Variants in NTNG1 observed in about 807,000 individuals in gnomAD.
NTNG1 encodes netrin-G1.
In NTNG1, 16 loss-of-function variants were observed where a neutral mutation model predicts 54.0. The ratio of observed to expected loss-of-function variants is 0.30; its 90% CI spans 0.20 to 0.45. The LOEUF (loss-of-function observed/expected upper bound fraction) is 0.45. Ranked by LOEUF, NTNG1 falls within the 20% of genes least tolerant of loss-of-function variation. The pLI is 1.00. For missense variants in NTNG1, 530 were observed against 678.7 expected, an observed-to-expected ratio of 0.78 and a Z score of 2.43; for synonymous variants, 255 against 263.1, an observed-to-expected ratio of 0.97 and a Z score of 0.30.
At chr1:107,342,209 T>C (rs1433746644) in intron 3 of NTNG1, among the ~76,000 whole-genome samples, 1 of 152,052 alleles carries the variant, frequency 6.6e-6, no homozygotes, top group Non-Finnish European at 1.5e-5. Flanking sequence ...CTTTAACCAC[T>C]TAAAAATAAA....
At chr1:107,473,664 A>G (rs1471262631) in intron 7 of NTNG1, among the ~76,000 whole-genome samples, 1 of 152,252 alleles carries the variant, frequency 6.6e-6, no homozygotes, top group African/African-American at 2.4e-5. Flanking sequence ...AGAAAAATAG[A>G]TAGAAGTAAG....
At position 107,458,325 on chromosome 1, in the gene NTNG1, C is replaced by T. The variant is rs928573181; in HGVS notation, c.1390+21526C>T. On this transcript the variant is annotated intron_variant, in intron 7 of 7. Coordinates refer to ENST00000370068, the MANE Select transcript of NTNG1 (RefSeq NM_001113226.3). The stretch of plus-strand genomic sequence containing the variant: ...CAGCCTACTCTGAAGCCATTAGAGG[C>T]GATTAAAGGAGATCTCTATCCATTA... Among the ~76,000 whole-genome samples, 17 of 152,018 alleles carry T rather than the reference C, an allele frequency of 1.1e-4. No homozygotes were observed. In the East Asian group the frequency reaches 1.2e-3, roughly 10 times the overall value.
intron 2 of NTNG1, among the ~76,000 whole-genome samples, chr1:107,266,279 A>C (rs970623096): frequency 1.3e-5 from 2 of 152,166 alleles, no homozygotes; most frequent in Non-Finnish European, 2.9e-5. Context: ...ATAAAGAAAT[A>C]CCTGAAACTG....
chr1:107,146,027 G>A (rs748265476), intron 1 of NTNG1, among the ~76,000 whole-genome samples: 8 of 152,032 alleles, frequency 5.3e-5, no homozygotes, highest in East Asian at 1.9e-4. Flanking sequence ...CAGAGTAACC[G>A]AGAATAAATG....
Position 107,301,747 on chromosome 1 carries a change from G to T in NTNG1, c.247-22535G>T, listed in dbSNP as rs181988072. Among the ~76,000 whole-genome samples, 412 of 152,182 alleles carry T rather than the reference G, an allele frequency of 2.7e-3. 2 individuals are homozygous for T. Among genetic ancestry groups the T allele is most frequent in the Non-Finnish European group, 4.6e-3 (315 of 68,002 alleles). Reference sequence around the variant, plus strand: ...CTATTCTACGCAACACAAGTTCAACGTCATTTTAATAAGAATTCCATGAGA... The same window carrying T: ...CTATTCTACGCAACACAAGTTCAACTTCATTTTAATAAGAATTCCATGAGA... On this transcript the variant is annotated intron_variant, in intron 2 of 7. Coordinates refer to ENST00000370068, the MANE Select transcript of NTNG1 (RefSeq NM_001113226.3).
At position 107,339,327 on chromosome 1, in the gene NTNG1, T is replaced by C. The variant is rs1401093319; in HGVS notation, c.887+14405T>C. ...GACCCATTTAAAGGAAGCAATGAAG[T>C]GTTCTGGAAATGTATAGTGTTAATA... On this transcript the variant is annotated intron_variant, in intron 3 of 7. Coordinates refer to ENST00000370068, the MANE Select transcript of NTNG1 (RefSeq NM_001113226.3). Among the ~76,000 whole-genome samples the C allele has an allele frequency of 2.1e-4, 32 of 152,018 alleles. 1 individual carries two copies. Among genetic ancestry groups the C allele is most frequent in the Admixed American group, 2.0e-3 (30 of 15,240 alleles).
intron 2 of NTNG1, among the ~76,000 whole-genome samples, chr1:107,280,370 G>A (rs189612471): frequency 1.0e-3 from 158 of 151,354 alleles, no homozygotes; most frequent in African/African-American, 3.6e-3. Context: ...TCTCTCATAA[G>A]TGTGTATGTG....
At chr1:107,151,017 C>T (rs537505639) in intron 2 of NTNG1, among the ~76,000 whole-genome samples, 31 of 152,272 alleles carry the variant, frequency 2.0e-4, no homozygotes, top group African/African-American at 6.3e-4. Context: ...TAGTGTGATG[C>T]GGATATTTGG....
chr1:107,377,955 T>C (rs560783106), intron 3 of NTNG1, among the ~76,000 whole-genome samples: 1 of 152,350 alleles, frequency 6.6e-6, no homozygotes, highest in East Asian at 1.9e-4. Context: ...CAAAGTGATT[T>C]TCAGAACTAA....
At chr1:107,389,750 T>C (rs969347762) in intron 3 of NTNG1, among the ~76,000 whole-genome samples, 3 of 152,294 alleles carry the variant, frequency 2.0e-5, no homozygotes, top group Non-Finnish European at 4.4e-5. Flanking sequence ...TAGGTATGAG[T>C]ACTGTGGGTG....
At chr1:107,427,808 T>A (rs184367241) in intron 5 of NTNG1, among the ~76,000 whole-genome samples, 1 of 152,146 alleles carries the variant, frequency 6.6e-6, no homozygotes, top group South Asian at 2.1e-4. Context: ...CTGAACATGA[T>A]TTCTTATACA....
At chr1:107,208,070 A>G (rs192714392) in intron 2 of NTNG1, among the ~76,000 whole-genome samples, 1 of 152,280 alleles carries the variant, frequency 6.6e-6, no homozygotes, top group East Asian at 1.9e-4. Flanking sequence ...TGAAGTGCTC[A>G]AGGCGTCGAA....
At chr1:107,442,218 T>C (rs568299957) in intron 7 of NTNG1, among the ~76,000 whole-genome samples, 1 of 152,236 alleles carries the variant, frequency 6.6e-6, no homozygotes, top group Non-Finnish European at 1.5e-5. Flanking sequence ...GGAGAAGGCA[T>C]TGTCACATAA....
intron 5 of NTNG1, among the ~76,000 whole-genome samples, chr1:107,430,514 A>G (rs927133142): frequency 5.3e-5 from 8 of 152,216 alleles, no homozygotes; most frequent in African/African-American, 1.9e-4. Flanking sequence ...TTTGTCTGCC[A>G]AGAATTAACA....
In NTNG1 at chr1:107,148,482, C is replaced by A; in HGVS notation, c.-112C>A. The A allele has an allele frequency of 1.0e-6, 1 of 991,680 alleles. No individual in the cohort carries two copies. Among genetic ancestry groups the A allele is most frequent in the Non-Finnish European group, 1.5e-6 (1 of 660,974 alleles). 61.4% of individuals were successfully genotyped at this position (991,680 alleles called of 1,614,324 possible). On this transcript the variant is annotated 5_prime_UTR_variant, in exon 2 of 8. Coordinates refer to ENST00000370068, the MANE Select transcript of NTNG1 (RefSeq NM_001113226.3). ...ATTTAAAAAAAAATACAGAGACCTA[C>A]CTACCCGTACGCATACATACATATG...
chr1:107,442,994 C>T (rs539885469), intron 7 of NTNG1, among the ~76,000 whole-genome samples: 7 of 152,172 alleles, frequency 4.6e-5, no homozygotes, highest in Admixed American at 4.6e-4. Context: ...TGACAACTTC[C>T]CCAGACTCTG....
chr1:107,157,857 C>T (rs1187656520), intron 2 of NTNG1, among the ~76,000 whole-genome samples: 1 of 152,094 alleles, frequency 6.6e-6, no homozygotes, highest in African/African-American at 2.4e-5. Flanking sequence ...ACTCCATTTT[C>T]TGTCAGCATA....
At chr1:107,287,633 G>A (rs1211908716) in intron 2 of NTNG1, among the ~76,000 whole-genome samples, 1 of 152,096 alleles carries the variant, frequency 6.6e-6, no homozygotes, top group Non-Finnish European at 1.5e-5. Flanking sequence ...TAGGGGAAAA[G>A]GTTGAAGATG....
intron 6 of NTNG1, among the ~76,000 whole-genome samples, chr1:107,432,717 TA>T (rs1675347384): frequency 1.3e-5 from 2 of 152,154 alleles, no homozygotes; most frequent in Admixed American, 1.3e-4. Context: ...CATTTTTACA[TA>T]AGATTAAAAT....
Sources: allele counts gnomAD v4.1 joint callset (sites outside exome capture counted in the v4.1 genomes callset), GRCh38; gene constraint gnomAD v4.1.1; transcripts MANE v1.5; gene names NCBI Gene and HGNC (gene_info 2026-07-23, HGNC 2026-07-21).